The following CSMD1 variants were observed in gnomAD, a reference collection of about 807,000 sequenced individuals.
CSMD1 encodes CUB and Sushi multiple domains 1, also known as CUB and sushi domain-containing protein 1.
In CSMD1, 213 loss-of-function variants were observed where a neutral mutation model predicts 417.5. The observed-to-expected ratio is 0.51, with a 90% CI of 0.46 to 0.57. The LOEUF (loss-of-function observed/expected upper bound fraction) is 0.57. Among genes scored for constraint, CSMD1 ranks in the 20% least tolerant of loss-of-function variants. The pLI is 0.00. For missense variants in CSMD1, 6,923 were observed against 4,529.7 expected, an observed-to-expected ratio of 1.53 and a Z score of -15.17; for synonymous variants, 2,862 against 1,736.8, an observed-to-expected ratio of 1.65 and a Z score of -16.11.
At position 3,493,437 on chromosome 8, in the gene CSMD1, A is replaced by G. The variant is rs936498463; in HGVS notation, c.1448+186T>C. The stretch of plus-strand genomic sequence containing the variant: ...GAAAAACAGTCGAAACAGATAACAC[A>G]TACTCCTAAATTATACTCATAATGT... On this transcript the variant is annotated intron_variant, in intron 11 of 69. Coordinates refer to ENST00000635120, the MANE Select transcript of CSMD1 (RefSeq NM_033225.6). 6.6e-5 allele frequency among the ~76,000 whole-genome samples: 10 copies of G among 152,310 alleles called. No homozygotes were observed. In the East Asian group the frequency reaches 1.4e-3, roughly 21 times the overall value.
At chr8:4,505,625 T>C (rs1180377737) in intron 2 of CSMD1, among the ~76,000 whole-genome samples, 2 of 152,158 alleles carry the variant, frequency 1.3e-5, no homozygotes, top group African/African-American at 4.8e-5. Flanking sequence ...AGTTTCTTTC[T>C]TTCTAACATG....
intron 1 of CSMD1, among the ~76,000 whole-genome samples, chr8:4,878,662 G>T (rs1386976753): frequency 6.6e-6 from 1 of 151,942 alleles, no homozygotes; most frequent in Non-Finnish European, 1.5e-5. Context: ...TTCATTACTT[G>T]TGAAATGTGT....
In CSMD1 at chr8:4,492,839, T is replaced by G. The variant is rs143165669; in HGVS notation, c.303-72774A>C. Among the ~76,000 whole-genome samples the G allele has an allele frequency of 9.8e-5, 15 of 152,320 alleles. No individual in the cohort carries two copies. In the East Asian group the frequency reaches 2.3e-3, roughly 24 times the overall value. Reference sequence around the variant, plus strand: ...AATTTACTCCAGATGCTGCTTCTCATGCATACTTTGTTATACAGAACATGC... The same window carrying G: ...AATTTACTCCAGATGCTGCTTCTCAGGCATACTTTGTTATACAGAACATGC... On this transcript the variant is annotated intron_variant, in intron 2 of 69. Transcript: ENST00000635120.
At chr8:4,550,258 G>C (rs778660073) in intron 2 of CSMD1, among the ~76,000 whole-genome samples, 1 of 151,264 alleles carries the variant, frequency 6.6e-6, no homozygotes, top group Non-Finnish European at 1.5e-5. Context: ...TCATTTCCAT[G>C]GTTGTGGTTT....
intron 3 of CSMD1, among the ~76,000 whole-genome samples, chr8:4,065,051 A>G (rs1362776732): frequency 1.3e-5 from 2 of 152,242 alleles, no homozygotes; most frequent in East Asian, 3.8e-4. Context: ...AAAATGTGCT[A>G]AAAATTACTG....
At chr8:3,635,119 G>A (rs1214971658) in intron 7 of CSMD1, among the ~76,000 whole-genome samples, 1 of 152,106 alleles carries the variant, frequency 6.6e-6, no homozygotes, top group Non-Finnish European at 1.5e-5. Context: ...ACGTTGCTCT[G>A]GGTGACTCAG....
At chr8:3,260,324 G>A (rs1800961974) in intron 26 of CSMD1, among the ~76,000 whole-genome samples, 1 of 152,080 alleles carries the variant, frequency 6.6e-6, no homozygotes, top group Admixed American at 6.6e-5. Flanking sequence ...TTTGGGTGTT[G>A]CAGGATCAAT....
intron 5 of CSMD1, among the ~76,000 whole-genome samples, chr8:3,884,094 A>G (rs911559886): frequency 6.6e-6 from 1 of 152,212 alleles, no homozygotes; most frequent in African/African-American, 2.4e-5. Flanking sequence ...AAAGGTAAAC[A>G]GCGAATTGAA....
intron 5 of CSMD1, among the ~76,000 whole-genome samples, chr8:3,856,390 T>C (rs1804313160): frequency 6.6e-6 from 1 of 152,194 alleles, no homozygotes; most frequent in Non-Finnish European, 1.5e-5. Context: ...CTCTTTTCTT[T>C]ATAAATTACC....
At position 3,092,386 on chromosome 8, in the gene CSMD1, CAT is replaced by C. The variant is rs568065257; in HGVS notation, c.7139-726_7139-725del. Among the ~76,000 whole-genome samples the C allele has an allele frequency of 1.1e-4, 16 of 152,166 alleles. No homozygotes were observed. The South Asian group carries it at 2.3e-3, about 22-fold the overall frequency. ...AAAAAATAAAAAATGCAACATATAA[CAT>C]GTGTATCTGTGGACGATAGATACAC... is the stretch of plus-strand genomic sequence containing the variant. On this transcript the variant is annotated intron_variant, in intron 47 of 69. Coordinates refer to ENST00000635120, the MANE Select transcript of CSMD1 (RefSeq NM_033225.6).
At chr8:3,020,699 C>G (rs774147276) in intron 51 of CSMD1, among the ~76,000 whole-genome samples, 1 of 152,096 alleles carries the variant, frequency 6.6e-6, no homozygotes, top group Non-Finnish European at 1.5e-5. Flanking sequence ...AACCGAGGCT[C>G]TATCTCAAAT....
chr8:4,711,035 A>G (rs983582663), intron 1 of CSMD1, among the ~76,000 whole-genome samples: 1 of 152,008 alleles, frequency 6.6e-6, no homozygotes, highest in African/African-American at 2.4e-5. Flanking sequence ...TCTAGTTAGC[A>G]ACTAAAGAAA....
chr8:4,655,459 T>C (rs1026627443), intron 1 of CSMD1, among the ~76,000 whole-genome samples: 1 of 152,130 alleles, frequency 6.6e-6, no homozygotes, highest in Non-Finnish European at 1.5e-5. Context: ...CAGACATGGA[T>C]TCTGGCTTAT....
At chr8:4,970,219 T>C (rs576646339) in intron 1 of CSMD1, among the ~76,000 whole-genome samples, 3 of 152,272 alleles carry the variant, frequency 2.0e-5, no homozygotes, top group East Asian at 3.9e-4. Context: ...TTTCTTACTC[T>C]GCCATTCATT....
At chr8:4,285,176 A>C (rs1796994579) in intron 3 of CSMD1, among the ~76,000 whole-genome samples, 1 of 152,164 alleles carries the variant, frequency 6.6e-6, no homozygotes, top group African/African-American at 2.4e-5. Context: ...CATGAATTTT[A>C]TGTTTTTGTA....
intron 3 of CSMD1, among the ~76,000 whole-genome samples, chr8:4,255,033 A>G (rs1803357461): frequency 6.6e-6 from 1 of 152,220 alleles, no homozygotes; most frequent in South Asian, 2.1e-4. Flanking sequence ...CCCTCGTACC[A>G]TAGAGGAGTT....
At chr8:4,350,192 G>A (rs1801010247) in intron 3 of CSMD1, among the ~76,000 whole-genome samples, 1 of 151,980 alleles carries the variant, frequency 6.6e-6, no homozygotes, top group African/African-American at 2.4e-5. Flanking sequence ...TCTTTTTGCT[G>A]TACAATTGCA....
chr8:3,015,195 G>A (rs569102110), intron 52 of CSMD1, among the ~76,000 whole-genome samples: 1 of 151,824 alleles, frequency 6.6e-6, no homozygotes, highest in East Asian at 1.9e-4. Context: ...CAGCTCTCTT[G>A]GGGTTCCTCA....
At chr8:4,277,086 T>G (rs941693565) in intron 3 of CSMD1, among the ~76,000 whole-genome samples, 6 of 152,154 alleles carry the variant, frequency 3.9e-5, no homozygotes, top group Non-Finnish European at 8.8e-5. Context: ...TTTATAAAAT[T>G]GCATGTAACT....
Sources: allele counts gnomAD v4.1 joint callset (sites outside exome capture counted in the v4.1 genomes callset), GRCh38; gene constraint gnomAD v4.1.1; transcripts MANE v1.5; gene names NCBI Gene and HGNC (gene_info 2026-07-23, HGNC 2026-07-21).